ZNF816: variants seen among roughly 807,000 people sequenced by gnomAD.
ZNF816 encodes zinc finger protein 816.
ZNF816 carries 11 observed loss-of-function variants against 8.3 expected under a neutral mutation model. The observed-to-expected ratio is 1.32, with a 90% CI of 0.83 to 2.19. ZNF816 has a LOEUF of 2.19. ZNF816 is among the 30% of genes most tolerant of loss of function. The pLI, the probability that ZNF816 is intolerant of heterozygous loss-of-function variation, is 0.00. For missense variants in ZNF816, 710 were observed against 779.3 expected, an observed-to-expected ratio of 0.91 and a Z score of 1.06; for synonymous variants, 255 against 254.5, an observed-to-expected ratio of 1.00 and a Z score of -0.02.
At chr19:52,952,974 C>T in intron 2 of ZNF816, 97 bp from the exon 3 acceptor site, 1 of 1,488,148 alleles carries the variant, frequency 6.7e-7, no homozygotes, top group South Asian at 1.4e-5. Flanking sequence ...TGATTTGATC[C>T]AAGACTGTGT....
At chr19:52,960,262 G>T in intron 1 of ZNF816, 1 of 272,316 alleles carries the variant, frequency 3.7e-6, no homozygotes, top group South Asian at 3.7e-5. Context: ...AAGATCTCCA[G>T]GTGGACTTCA....
intron 1 of ZNF816, among the ~76,000 whole-genome samples, chr19:52,959,453 T>C (rs912164386): frequency 6.6e-6 from 1 of 152,178 alleles, no homozygotes; most frequent in South Asian, 2.1e-4. Flanking sequence ...CTGGGAGCTA[T>C]AAGTGGACAG....
At chr19:52,954,686 G>A (rs2083494175) in intron 2 of ZNF816, among the ~76,000 whole-genome samples, 3 of 152,000 alleles carry the variant, frequency 2.0e-5, no homozygotes, top group Admixed American at 6.6e-5. Flanking sequence ...TTAGCCAGGA[G>A]TGTAGCACGC....
Position 52,957,736 on chromosome 19 carries a change from C to T in ZNF816, c.-15-1632G>A, listed in dbSNP as rs1337173085. ...AGCTTTCTGTTGCCCCAGACTTGTA[C>T]TGTAGGAAGACATAAAGTGATTCAC... On this transcript the variant is annotated intron_variant, in intron 1 of 3. Coordinates refer to ENST00000444460, the MANE Select transcript of ZNF816 (RefSeq NM_001202457.3). This position sits in a 1 kb window ranked among gnomAD's most constrained non-coding sequence, Gnocchi z 4.6. Among the ~76,000 whole-genome samples, 3 of 152,194 alleles carry T rather than the reference C, an allele frequency of 2.0e-5. No homozygotes were observed. The highest frequency in any genetic ancestry group is 7.2e-5 in the African/African-American group (3 of 41,446).
chr19:52,955,977 C>T (rs552604352), intron 2 of ZNF816, 50 bp downstream of exon 2: 3 of 1,578,238 alleles, frequency 1.9e-6, no homozygotes, highest in African/African-American at 2.8e-5. Flanking sequence ...CAATACCTGG[C>T]ACTTCAGAAA....
At chr19:52,956,741 A>G (rs542466724) in intron 1 of ZNF816, among the ~76,000 whole-genome samples, 71 of 152,244 alleles carry the variant, frequency 4.7e-4, no homozygotes, top group African/African-American at 1.6e-3. Context: ...GCAGACCACC[A>G]CTTCTCCTGC....
At chr19:52,960,034 A>G (rs949868790) in intron 1 of ZNF816, 2 of 155,480 alleles carry the variant, frequency 1.3e-5, no homozygotes, top group African/African-American at 2.4e-5. Flanking sequence ...TACCTGTGCC[A>G]CAGCTGCTAG....
rs1269807481 is a variant in ZNF816 at position 52,950,922 on chromosome 19, A to T, written c.853T>A (p.Tyr285Asn). Residue 285 changes from tyrosine (Y) to asparagine (N), a missense_variant, in exon 4 of 4, where the codon TAC (tyrosine) becomes AAC (asparagine). Tyr to Asn is a moderately radical substitution (Grantham distance 143, BLOSUM62 -2). Coordinates refer to ENST00000444460, the MANE Select transcript of ZNF816 (RefSeq NM_001202457.3). Reference sequence around the variant, plus strand: ...GTCTTCCCACACTCATTACACTTGTAAGTTTTCTCACCAGTGTGACATCTA... The same window carrying T: ...GTCTTCCCACACTCATTACACTTGTTAGTTTTCTCACCAGTGTGACATCTA... ...HHRCHTGEKTYKCNECGKTFT... is the reference protein window; with the variant it reads ...HHRCHTGEKTNKCNECGKTFT... The T allele has an allele frequency of 6.2e-7, 1 of 1,614,194 alleles. No individual in the cohort carries two copies. Among genetic ancestry groups the T allele is most frequent in the South Asian group, 1.1e-5 (1 of 91,084 alleles).
chr19:52,952,031 A>G (rs2083464810), intron 3 of ZNF816: 1 of 396,706 alleles, frequency 2.5e-6, no homozygotes, highest in Admixed American at 4.3e-5. Context: ...TGTGATGAAC[A>G]CTGTCACAGT....
intron 3 of ZNF816, chr19:52,952,502 C>T: frequency 1.6e-6 from 1 of 617,022 alleles, no homozygotes; most frequent in East Asian, 3.0e-5. Context: ...ACATCTCTTC[C>T]TAGAGCAGGA....
chr19:52,951,654 T>A, intron 3 of ZNF816, 70 bp from the exon 4 acceptor site: 1 of 1,379,746 alleles, frequency 7.2e-7, no homozygotes. Context: ...TATTCAGATG[T>A]GTAAAAATTA....
Position 52,950,745 on chromosome 19 carries a change from T to C in ZNF816, c.1030A>G (p.Asn344Asp), listed in dbSNP as rs2083450122. The C allele has an allele frequency of 1.9e-6, 3 of 1,613,988 alleles. No individual in the cohort carries two copies. The highest frequency in any genetic ancestry group is 1.7e-6 in the Non-Finnish European group (2 of 1,180,004). Residue 344 changes from asparagine (N) to aspartate (D), a missense_variant, in exon 4 of 4, where the codon AAT becomes GAT. Physicochemically the swap from Asn to Asp is conservative, Grantham distance 23. Transcript: ENST00000444460. ...CGACCAAAAGTCTTGCCACACTCAT[T>C]ACACTTGTAAGGTTTCTCTCCAGTA... ...LHTGEKPYKC[N>D]ECGKTFGRNS...
Position 52,950,907 on chromosome 19 carries a change from A to C in ZNF816, c.868T>G (p.Cys290Gly), listed in dbSNP as rs754097899. 3 of 1,614,054 alleles carry C rather than the reference A, an allele frequency of 1.9e-6. No homozygotes were observed. The highest frequency in any genetic ancestry group is 1.3e-5 in the African/African-American group (1 of 74,922). ...GACATCTGAGTGAAGGTCTTCCCAC[A>C]CTCATTACACTTGTAAGTTTTCTCA... ...TGEKTYKCNE[C>G]GKTFTQMSSL... Residue 290 changes from cysteine (C) to glycine (G), a missense_variant, in exon 4 of 4, where the codon TGT becomes GGT. Coordinates refer to ENST00000444460, the MANE Select transcript of ZNF816 (RefSeq NM_001202457.3).
rs1449207315 is a variant in ZNF816, at chr19:52,957,317, G to C, written c.-15-1213C>G. 1.3e-5 allele frequency among the ~76,000 whole-genome samples: 2 copies of C among 152,176 alleles called. No homozygotes were observed. Among genetic ancestry groups the C allele is most frequent in the African/African-American group, 4.8e-5 (2 of 41,436 alleles). ...CCCTGCTGGGTACTCCAGCCAGCTT[G>C]GGCGACATGGATTCTGAGAGTGCTA... On this transcript the variant is annotated intron_variant, in intron 1 of 3. Transcript: ENST00000444460. This position sits in a 1 kb window ranked among gnomAD's most constrained non-coding sequence, Gnocchi z 4.6.
intron 1 of ZNF816, among the ~76,000 whole-genome samples, chr19:52,961,676 T>C (rs911382538): frequency 6.6e-6 from 1 of 152,236 alleles, no homozygotes; most frequent in Non-Finnish European, 1.5e-5. Context: ...CCCCAGGCCC[T>C]TTCCCAAACC....
At position 52,951,151 on chromosome 19, in the gene ZNF816, C is replaced by G. The variant is rs766541119; in HGVS notation, c.624G>C (p.Gly208=). Residue 208 remains glycine, a synonymous_variant, in exon 4 of 4, where the codon GGG becomes GGC. Coordinates refer to ENST00000444460, the MANE Select transcript of ZNF816 (RefSeq NM_001202457.3). ...TGAATGAAGAATGGAGGAAATTCTT[C>G]CCATACTTATTAGAAATATGAGTTT... ...RLKTHISNKY[G]KNFLHSSFTQ... 6.2e-7 allele frequency: 1 copy of G among 1,614,146 alleles called. No individual in the cohort carries two copies. Among genetic ancestry groups the G allele is most frequent in the Non-Finnish European group, 8.5e-7 (1 of 1,180,026 alleles).
Position 52,954,547 on chromosome 19 carries a change from C to T in ZNF816, c.63+1480G>A, listed in dbSNP as rs115692303. On this transcript the variant is annotated intron_variant, in intron 2 of 3. Coordinates refer to ENST00000444460, the MANE Select transcript of ZNF816 (RefSeq NM_001202457.3). ...ATATCATAACAAACATTCATCAGAC[C>T]GGGAGCAGGGCTCACACCTGAAATC... 1.7e-3 allele frequency among the ~76,000 whole-genome samples: 255 copies of T among 151,652 alleles called. 2 individuals carry two copies. Among genetic ancestry groups the T allele is most frequent in the African/African-American group, 5.8e-3 (239 of 41,320 alleles).
intron 2 of ZNF816, chr19:52,953,500 A>G (rs2083479101): frequency 1.0e-5 from 1 of 95,732 alleles, no homozygotes; most frequent in Non-Finnish European, 1.8e-5. Flanking sequence ...ATATTTTAAT[A>G]TTTAATTATA....
rs367840821 is a variant in ZNF816 at position 52,950,972 on chromosome 19, T to C, written c.803A>G (p.Gln268Arg). ...ATGATGATATACAATGTATTGCTTC[T>C]GATTAAAGATCTTGCCACATACATC... ...KCDVCGKIFN[Q>R]KQYIVYHHRC... The change falls in exon 4 of 4, where the codon CAG becomes CGG. Residue 268 changes from glutamine (Q) to arginine (R), a missense_variant. Gln to Arg is a conservative substitution (Grantham distance 43). Coordinates refer to ENST00000444460, the MANE Select transcript of ZNF816 (RefSeq NM_001202457.3). The C allele has an allele frequency of 1.4e-5, 22 of 1,614,092 alleles. No individual in the cohort carries two copies. The highest frequency in any genetic ancestry group is 2.7e-5 in the African/African-American group (2 of 74,946).
Sources: gnomAD v4.1 joint callset for allele counts (sites outside exome capture counted in the v4.1 genomes callset) on GRCh38, gnomAD v4.1.1 for gene constraint, Gnocchi (gnomAD v3.1) non-coding constraint, MANE v1.5 for transcripts, NCBI Gene and HGNC (gene_info 2026-07-23, HGNC 2026-07-21) for gene names.